Variants in PLEKHA7 observed in about 807,000 individuals in gnomAD.
The protein encoded by PLEKHA7 is pleckstrin homology domain containing A7.
PLEKHA7 carries 104 observed loss-of-function variants against 170.0 expected under a neutral mutation model. That is an observed-to-expected ratio of 0.61 (90% CI 0.52 to 0.72). PLEKHA7 has a LOEUF of 0.72. Among genes scored for constraint, PLEKHA7 ranks in the 30% least tolerant of loss-of-function variants. The pLI is 0.00. For missense variants in PLEKHA7, 1,615 were observed against 1,671.7 expected (o/e 0.97, Z 0.59); for synonymous variants, 648 against 660.8 (o/e 0.98, Z 0.30).
At chr11:16,905,567 C>T (rs1857604436) in intron 3 of PLEKHA7, among the ~76,000 whole-genome samples, 1 of 152,178 alleles carries the variant, frequency 6.6e-6, no homozygotes, top group Non-Finnish European at 1.5e-5. Flanking sequence ...AAATGAGGCC[C>T]TCTGGGGTGG....
intron 6 of PLEKHA7, among the ~76,000 whole-genome samples, chr11:16,854,660 C>T (rs1017532858): frequency 1.3e-5 from 2 of 152,174 alleles, no homozygotes; most frequent in African/African-American, 2.4e-5. Flanking sequence ...GCACCAGGGG[C>T]CAAAGTGGTC....
chr11:16,803,028 G>T lies in PLEKHA7; in HGVS notation c.2101C>A (p.Gln701Lys). ...TDVKLSIFCE[Q>K]DRVLQDLEDK... ...TCCAAGTCCTGGAGGACCCTGTCTT[G>T]TTCACAGAAGATGCTCAGTTTGACC... The change falls in exon 15 of 27, where the codon CAA (glutamine) becomes AAA (lysine). Residue 701 changes from glutamine to lysine, a missense_variant. Coordinates refer to ENST00000531066, the MANE Select transcript of PLEKHA7 (RefSeq NM_001329630.2). 1 of 1,614,122 alleles carries T rather than the reference G, an allele frequency of 6.2e-7. No individual in the cohort carries two copies. The highest frequency in any genetic ancestry group is 8.5e-7 in the Non-Finnish European group (1 of 1,180,008).
intron 3 of PLEKHA7, among the ~76,000 whole-genome samples, chr11:16,893,199 C>G (rs1856787782): frequency 6.6e-6 from 1 of 152,224 alleles, no homozygotes; most frequent in Admixed American, 6.5e-5. Flanking sequence ...TAGGTTAAAT[C>G]ATTTGTCCAA....
intron 3 of PLEKHA7, among the ~76,000 whole-genome samples, chr11:16,998,141 T>C (rs1022578006): frequency 6.6e-6 from 1 of 152,176 alleles, no homozygotes; most frequent in Non-Finnish European, 1.5e-5. Context: ...GTGAAGCCCT[T>C]AGAACAGTGT....
At chr11:16,897,256 C>T (rs1857052250) in intron 3 of PLEKHA7, among the ~76,000 whole-genome samples, 1 of 152,086 alleles carries the variant, frequency 6.6e-6, no homozygotes, top group Non-Finnish European at 1.5e-5. Context: ...GTCGTAATAC[C>T]ACTCTACACA....
At chr11:16,968,413 TC>T (rs1862505645) in intron 3 of PLEKHA7, among the ~76,000 whole-genome samples, 1 of 152,184 alleles carries the variant, frequency 6.6e-6, no homozygotes, top group Non-Finnish European at 1.5e-5. Context: ...TCAGGCCTCC[TC>T]CTGGCCATGT....
At chr11:16,787,725 G>C (rs1470867253) in intron 23 of PLEKHA7, 4 of 152,144 alleles carry the variant, frequency 2.6e-5, no homozygotes, top group African/African-American at 9.7e-5. Context: ...TTTTTTAAGA[G>C]AAAAATTACA....
At chr11:16,786,703 G>A in intron 23 of PLEKHA7, 23 of 985,354 alleles carry the variant, frequency 2.3e-5, no homozygotes, top group Non-Finnish European at 2.8e-5. Context: ...CAAACAACTT[G>A]GGACAGAGTT....
chr11:16,809,772 C>T (rs1849235474), intron 13 of PLEKHA7, among the ~76,000 whole-genome samples: 2 of 152,240 alleles, frequency 1.3e-5, no homozygotes, highest in African/African-American at 4.8e-5. Context: ...AAGCTGCAAC[C>T]TATCTACTTG....
rs546242016 is a variant in PLEKHA7 at position 16,951,354 on chromosome 11, C to CGAT, written c.221+62632_221+62634dup. Among the ~76,000 whole-genome samples the CGAT allele has an allele frequency of 1.7e-4, 25 of 150,780 alleles. No individual in the cohort carries two copies. The East Asian group carries it at 2.5e-3, about 15-fold the overall frequency. On this transcript the variant is annotated intron_variant, in intron 3 of 26. Transcript: ENST00000531066. ...CAGTCTAAGAGGGGAGACATCATGACGATGATGATGATGATGATGACGAAG... is the reference window on the plus strand; with the variant it reads ...CAGTCTAAGAGGGGAGACATCATGACGATGATGATGATGATGATGATGACGAAG...
At chr11:16,819,321 C>T (rs1471302308) in intron 10 of PLEKHA7, among the ~76,000 whole-genome samples, 1 of 152,164 alleles carries the variant, frequency 6.6e-6, no homozygotes, top group Non-Finnish European at 1.5e-5. Flanking sequence ...TGGTCTTGAA[C>T]TCCTGGCCTC....
intron 9 of PLEKHA7, among the ~76,000 whole-genome samples, chr11:16,827,108 T>C (rs549104768): frequency 6.6e-6 from 1 of 152,320 alleles, no homozygotes; most frequent in East Asian, 1.9e-4. Context: ...ATTTGTCCAT[T>C]TGGGGCTTAA....
chr11:16,855,771 G>T, intron 5 of PLEKHA7, 32 bp downstream of exon 5: 1 of 1,491,144 alleles, frequency 6.7e-7, no homozygotes, highest in Non-Finnish European at 9.3e-7. Context: ...TATAAAAGAA[G>T]GGAAGGAAGG....
chr11:16,974,723 C>T, intron 3 of PLEKHA7: 1 of 664,558 alleles, frequency 1.5e-6, no homozygotes, highest in Non-Finnish European at 1.8e-6. Flanking sequence ...CCTTTCTCTT[C>T]TTATCTCCTC....
intron 4 of PLEKHA7, among the ~76,000 whole-genome samples, chr11:16,862,156 C>G (rs1374178124): frequency 6.6e-6 from 1 of 152,138 alleles, no homozygotes; most frequent in African/African-American, 2.4e-5. Flanking sequence ...TTCTCCTTCC[C>G]CCTCAAGTCC....
chr11:16,823,019 G>C (rs1482937290), intron 10 of PLEKHA7, among the ~76,000 whole-genome samples: 5 of 151,790 alleles, frequency 3.3e-5, no homozygotes, highest in African/African-American at 1.2e-4. Flanking sequence ...TTTGGAGACA[G>C]GTTTTTGCTC....
In PLEKHA7 at chr11:16,788,582, C is replaced by T. The variant is rs193024210; in HGVS notation, c.3357+514G>A. The stretch of plus-strand genomic sequence containing the variant: ...GCCACCAGGGGGCAGCACAGGCCTC[C>T]CCAGCAATCCCAGACACCCTGAGGC... On this transcript the variant is annotated intron_variant, in intron 23 of 26. Transcript: ENST00000531066. 1.4e-3 allele frequency: 233 copies of T among 161,290 alleles called. 3 individuals carry two copies. Among genetic ancestry groups the T allele is most frequent in the Middle Eastern group, 6.1e-3 (2 of 326 alleles). The allele number at this position is 161,290 out of a possible 1,614,324, so 10.0% of individuals were successfully genotyped here. A position where few individuals can be genotyped will look rare whatever the true frequency, so the allele number is the denominator to read the frequency against.
chr11:16,801,322 TACC>T (rs1402581403), intron 16 of PLEKHA7, among the ~76,000 whole-genome samples: 1 of 152,204 alleles, frequency 6.6e-6, no homozygotes, highest in African/African-American at 2.4e-5. Flanking sequence ...CCCTGGCCTG[TACC>T]ACAACAGACT....
At chr11:16,989,060 C>T (rs556009853) in intron 3 of PLEKHA7, among the ~76,000 whole-genome samples, 78 of 152,342 alleles carry the variant, frequency 5.1e-4, no homozygotes, top group African/African-American at 1.8e-3. Context: ...CCCATGAATG[C>T]GCCCCAGTGC....
Sources: allele counts gnomAD v4.1 joint callset (sites outside exome capture counted in the v4.1 genomes callset), GRCh38; gene constraint gnomAD v4.1.1; transcripts MANE v1.5; gene names NCBI Gene and HGNC (gene_info 2026-07-23, HGNC 2026-07-21).